Variants in RCAN2 observed in about 807,000 individuals in gnomAD.
The protein encoded by RCAN2 is regulator of calcineurin 2, also known as calcipressin-2.
In RCAN2, 9 loss-of-function variants were observed where a neutral mutation model predicts 23.6. The ratio of observed to expected loss-of-function variants is 0.38; its 90% CI spans 0.23 to 0.67. The LOEUF is 0.67. Among genes scored for constraint, RCAN2 ranks in the 30% least tolerant of loss-of-function variants. The pLI is 0.51. For synonymous variants in RCAN2, 109 were observed against 115.7 expected (o/e 0.94, Z 0.37); for missense variants, 273 against 302.3 (o/e 0.90, Z 0.72).
At chr6:46,253,516 G>A (rs749904492) in intron 2 of RCAN2, among the ~76,000 whole-genome samples, 1 of 152,194 alleles carries the variant, frequency 6.6e-6, no homozygotes, top group South Asian at 2.1e-4. Flanking sequence ...TGTCACAGAA[G>A]TGCTTCTCAT....
intron 4 of RCAN2, among the ~76,000 whole-genome samples, chr6:46,243,076 C>T (rs1298444601): frequency 1.3e-5 from 2 of 152,162 alleles, no homozygotes; most frequent in Non-Finnish European, 2.9e-5. Context: ...GAAGGAGCAA[C>T]CTCTTGCCTT....
At chr6:46,484,943 C>T (rs1294604259) in intron 1 of RCAN2, among the ~76,000 whole-genome samples, 1 of 152,128 alleles carries the variant, frequency 6.6e-6, no homozygotes, top group African/African-American at 2.4e-5. Flanking sequence ...ACAAGAAGGA[C>T]AGAGGTGACA....
chr6:46,282,145 T>A (rs1032231482), intron 2 of RCAN2, among the ~76,000 whole-genome samples: 3 of 152,174 alleles, frequency 2.0e-5, no homozygotes, highest in African/African-American at 7.2e-5. Flanking sequence ...GAACAACTAC[T>A]TCGCATTTCC....
At chr6:46,469,328 G>GA (rs1356715933) in intron 1 of RCAN2, among the ~76,000 whole-genome samples, 4 of 151,878 alleles carry the variant, frequency 2.6e-5, no homozygotes, top group Non-Finnish European at 4.4e-5. Context: ...TTCTAGCCTA[G>GA]AAAAAAAACA....
chr6:46,282,970 A>G (rs1439026352), intron 2 of RCAN2, among the ~76,000 whole-genome samples: 1 of 152,208 alleles, frequency 6.6e-6, no homozygotes, highest in Non-Finnish European at 1.5e-5. Flanking sequence ...TCTTAAGCCC[A>G]GAGCACAGGT....
chr6:46,264,754 C>T (rs1402327484), intron 2 of RCAN2, among the ~76,000 whole-genome samples: 3 of 152,188 alleles, frequency 2.0e-5, no homozygotes, highest in Non-Finnish European at 2.9e-5. Flanking sequence ...GCTAACACTG[C>T]CCAAAATTTG....
chr6:46,439,793 G>C (rs1767478819), intron 2 of RCAN2, among the ~76,000 whole-genome samples: 1 of 152,100 alleles, frequency 6.6e-6, no homozygotes, highest in Non-Finnish European at 1.5e-5. Flanking sequence ...TTTAGAACAA[G>C]TCTACATATA....
intron 2 of RCAN2, among the ~76,000 whole-genome samples, chr6:46,411,667 A>G (rs1019958504): frequency 6.6e-6 from 1 of 152,130 alleles, no homozygotes; most frequent in Non-Finnish European, 1.5e-5. Flanking sequence ...TAGAGAACGA[A>G]AAAAAGAGAA....
chr6:46,295,316 A>G (rs898063445), intron 2 of RCAN2, among the ~76,000 whole-genome samples: 8 of 152,172 alleles, frequency 5.3e-5, no homozygotes, highest in Non-Finnish European at 1.0e-4. Context: ...CATACATGTG[A>G]AACCTGAAGC....
chr6:46,276,376 G>A (rs1166110559), intron 2 of RCAN2, among the ~76,000 whole-genome samples: 1 of 152,156 alleles, frequency 6.6e-6, no homozygotes, highest in African/African-American at 2.4e-5. Flanking sequence ...CAAGCTCTGA[G>A]GAGAGACAAG....
intron 4 of RCAN2, among the ~76,000 whole-genome samples, chr6:46,224,792 T>G (rs987122169): frequency 1.4e-4 from 21 of 152,130 alleles, no homozygotes; most frequent in Non-Finnish European, 2.5e-4. Flanking sequence ...GGTACAGTTT[T>G]TTTTTTTTTA....
chr6:46,253,739 T>C (rs1766811974), intron 2 of RCAN2, among the ~76,000 whole-genome samples: 1 of 152,206 alleles, frequency 6.6e-6, no homozygotes, highest in Non-Finnish European at 1.5e-5. Flanking sequence ...TAATGAAGTT[T>C]TGGTCAACAA....
intron 2 of RCAN2, among the ~76,000 whole-genome samples, chr6:46,300,762 T>C (rs1388889529): frequency 6.6e-6 from 1 of 152,052 alleles, no homozygotes; most frequent in Non-Finnish European, 1.5e-5. Flanking sequence ...TTCTTGTCAA[T>C]GATTAGGCAC....
chr6:46,244,027 T>C (rs1379871984), intron 4 of RCAN2, among the ~76,000 whole-genome samples: 1 of 152,072 alleles, frequency 6.6e-6, no homozygotes, highest in Non-Finnish European at 1.5e-5. Context: ...CTGTGTCACC[T>C]TGGGAAAGTT....
At chr6:46,411,812 A>T (rs899245530) in intron 2 of RCAN2, among the ~76,000 whole-genome samples, 2 of 152,218 alleles carry the variant, frequency 1.3e-5, no homozygotes, top group African/African-American at 4.8e-5. Context: ...GAAACAAAAA[A>T]AATTATGTGC....
chr6:46,379,769 T>C (rs1489144092), intron 2 of RCAN2, among the ~76,000 whole-genome samples: 1 of 152,082 alleles, frequency 6.6e-6, no homozygotes, highest in Non-Finnish European at 1.5e-5. Flanking sequence ...TTAGAGAAAG[T>C]GTGGTTAAGG....
rs1763794732 is a variant in RCAN2, at chr6:46,326,321, C to A, written c.226-77425G>T. On this transcript the variant is annotated intron_variant, in intron 2 of 4. Coordinates refer to ENST00000371374, the MANE Select transcript of RCAN2 (RefSeq NM_001251974.2). ...AAAAGCAGTTCATGGAAAGGAGTTA[C>A]AGCAAATATTTCACACGGGGACAGA... 3.9e-5 allele frequency among the ~76,000 whole-genome samples: 6 copies of A among 152,200 alleles called. No homozygotes were observed. In the South Asian group the frequency reaches 1.2e-3, roughly 32 times the overall value.
chr6:46,306,388 C>T (rs990238601), intron 2 of RCAN2, among the ~76,000 whole-genome samples: 8 of 152,136 alleles, frequency 5.3e-5, no homozygotes, highest in East Asian at 1.9e-4. Flanking sequence ...AAAGTTCCTC[C>T]GATCCCAGAG....
chr6:46,436,856 G>A (rs1314839820), intron 2 of RCAN2, among the ~76,000 whole-genome samples: 2 of 152,102 alleles, frequency 1.3e-5, no homozygotes, highest in African/African-American at 2.4e-5. Flanking sequence ...GACCCTTGTG[G>A]GGATGAGGCT....
Sources: gnomAD v4.1 joint callset for allele counts (sites outside exome capture counted in the v4.1 genomes callset) on GRCh38, gnomAD v4.1.1 for gene constraint, MANE v1.5 for transcripts, NCBI Gene and HGNC (gene_info 2026-07-23, HGNC 2026-07-21) for gene names.